GRSF1: variants seen among roughly 807,000 people sequenced by gnomAD.
GRSF1 encodes the protein G-rich sequence factor 1.
A neutral mutation model predicts 51.1 loss-of-function variants in GRSF1; 50 were observed. That is an observed-to-expected ratio of 0.98 (90% CI 0.78 to 1.24). GRSF1 has a LOEUF of 1.24. GRSF1 is among the 50% of genes most tolerant of loss of function. The pLI, the probability that GRSF1 is intolerant of heterozygous loss-of-function variation, is 0.00. For missense variants in GRSF1, 700 were observed against 639.7 expected, an observed-to-expected ratio of 1.09 and a Z score of -1.02; for synonymous variants, 293 against 253.3, an observed-to-expected ratio of 1.16 and a Z score of -1.49.
rs1202952273 is a variant in GRSF1 at position 70,816,528 on chromosome 4, A to C, written c.*4359T>G. The C allele has an allele frequency of 6.6e-6, 1 of 151,860 alleles. No individual in the cohort carries two copies. Among genetic ancestry groups the C allele is most frequent in the Non-Finnish European group, 1.5e-5 (1 of 68,006 alleles). The allele number at this position is 151,860 out of a possible 1,614,324, so 9.4% of individuals were successfully genotyped here. On this transcript the variant is annotated 3_prime_UTR_variant, in exon 10 of 10. Coordinates refer to ENST00000254799, the MANE Select transcript of GRSF1 (RefSeq NM_002092.4). ...GACTGGAGGCCAGGAGTTCCAGACC[A>C]GCCTGGCCAACATGATGAAACCCCA...
intron 1 of GRSF1, among the ~76,000 whole-genome samples, chr4:70,838,013 C>T (rs975766694): frequency 7.3e-5 from 11 of 151,364 alleles, no homozygotes; most frequent in Non-Finnish European, 1.6e-4. Flanking sequence ...GGGCGGATCA[C>T]GAGGTCAGGA....
At chr4:70,824,989 C>G (rs1281787092) in intron 8 of GRSF1, among the ~76,000 whole-genome samples, 1 of 152,076 alleles carries the variant, frequency 6.6e-6, no homozygotes, top group Non-Finnish European at 1.5e-5. Flanking sequence ...GTAATCCCAG[C>G]TACTCAGGTG....
upstream of GRSF1, chr4:70,839,996 C>T (rs1734406281): frequency 1.8e-6 from 1 of 569,524 alleles, no homozygotes; most frequent in Non-Finnish European, 2.9e-6. Context: ...GCGCGACGCT[C>T]CGCCCAGTCT....
At chr4:70,821,430 T>TAAAC (rs1452873863) in intron 9 of GRSF1, among the ~76,000 whole-genome samples, 1 of 149,582 alleles carries the variant, frequency 6.7e-6, no homozygotes, top group African/African-American at 2.5e-5. Flanking sequence ...TCTCAAAAAA[T>TAAAC]AAATAAATAA....
In GRSF1 at chr4:70,839,648, G is replaced by A. The variant is rs1437762172; in HGVS notation, c.180C>T (p.Ala60=). ...LLLLGAAAAA[A]SQTRGLQTGP... is the part of the protein sequence containing the mutation. ...CGGTCTGGAGGCCACGCGTCTGGGA[G>A]GCAGCGGCCGCGGCGGCCCCGAGCA... Residue 60 remains alanine (A), a synonymous_variant, in exon 1 of 10, where the codon GCC becomes GCT. Coordinates refer to ENST00000254799, the MANE Select transcript of GRSF1 (RefSeq NM_002092.4). 3.6e-6 allele frequency: 5 copies of A among 1,396,782 alleles called. No individual in the cohort carries two copies. Among genetic ancestry groups the A allele is most frequent in the African/African-American group, 3.0e-5 (2 of 65,594 alleles). The allele number at this position is 1,396,782 out of a possible 1,614,324, so 86.5% of individuals were successfully genotyped here.
chr4:70,837,109 CCAGA>C (rs1354445819), intron 1 of GRSF1, among the ~76,000 whole-genome samples: 4 of 152,284 alleles, frequency 2.6e-5, no homozygotes, highest in Non-Finnish European at 5.9e-5. Flanking sequence ...AGCTGGTATG[CCAGA>C]CCAAGTGATT....
At position 70,827,941 on chromosome 4, in the gene GRSF1, T is replaced by C; in HGVS notation, c.1046A>G (p.Tyr349Cys). The change falls in exon 6 of 10, where the codon TAT becomes TGT. Residue 349 changes from tyrosine to cysteine, a missense_variant. Tyr to Cys is a radical substitution (Grantham distance 194, BLOSUM62 -2). Transcript: ENST00000254799. The stretch of plus-strand genomic sequence containing the variant: ...AAAGACCATTTCTGGCTCAGTTATA[T>C]ACTTAGCAGTAGGAAAAGATGCGAT... ...KKIASFPTAK[Y>C]ITEPEMVFEE... 8 of 1,609,622 alleles carry C rather than the reference T, an allele frequency of 5.0e-6. No homozygotes were observed. The highest frequency in any genetic ancestry group is 6.8e-6 in the Non-Finnish European group (8 of 1,175,908).
upstream of GRSF1, among the ~76,000 whole-genome samples, chr4:70,842,281 G>C (rs1046279390): frequency 2.0e-5 from 3 of 152,174 alleles, no homozygotes; most frequent in African/African-American, 7.2e-5. Flanking sequence ...AATGGGCCTG[G>C]ACATAGAAGC....
Position 70,831,148 on chromosome 4 carries a change from G to C in GRSF1, c.950+391C>G, listed in dbSNP as rs7698619. ...CGAGGCGGGCGGATCACAAGGTCGA[G>C]AGATCGAGACCACCCTGGCCAACAT... On this transcript the variant is annotated intron_variant, in intron 5 of 9. Transcript: ENST00000254799. Among the ~76,000 whole-genome samples the C allele has an allele frequency of 6.7e-3, 1,017 of 152,142 alleles. 11 individuals carry two copies. Among genetic ancestry groups the C allele is most frequent in the African/African-American group, 0.024 (983 of 41,530 alleles).
chr4:70,838,308 C>T (rs531843424), intron 1 of GRSF1, among the ~76,000 whole-genome samples: 1 of 150,348 alleles, frequency 6.7e-6, no homozygotes, highest in Non-Finnish European at 1.5e-5. Context: ...CTACAGATAT[C>T]ACCGCAGTCA....
rs577613986 is a variant in GRSF1 at position 70,834,999 on chromosome 4, T to C, written c.514+1159A>G. Among the ~76,000 whole-genome samples, 5 of 152,258 alleles carry C rather than the reference T, an allele frequency of 3.3e-5. No individual in the cohort carries two copies. In the South Asian group the frequency reaches 6.2e-4, roughly 19 times the overall value. On this transcript the variant is annotated intron_variant, in intron 2 of 9. Coordinates refer to ENST00000254799, the MANE Select transcript of GRSF1 (RefSeq NM_002092.4). ...CTTCTTGTTCCCCTCTTTGTGTCCA[T>C]GTGTTCTCATTGTTTAGCTCCCACT...
rs1169531871 is a variant in GRSF1 at position 70,839,880 on chromosome 4, G to A, written c.-53C>T. ...AGGCAGCTGCTCCAGCAGCGATGGT[G>A]GAACGGAAGTGGAATCCAGGGCCGG... On this transcript the variant is annotated 5_prime_UTR_variant, in exon 1 of 10. Coordinates refer to ENST00000254799, the MANE Select transcript of GRSF1 (RefSeq NM_002092.4). 1 of 1,420,968 alleles carries A rather than the reference G, an allele frequency of 7.0e-7. No individual in the cohort carries two copies. Among genetic ancestry groups the A allele is most frequent in the Non-Finnish European group, 9.1e-7 (1 of 1,094,652 alleles). 88.0% of individuals were successfully genotyped at this position (1,420,968 alleles called of 1,614,324 possible). A position where few individuals can be genotyped will look rare whatever the true frequency, so the allele number is the denominator to read the frequency against.
At chr4:70,836,550 T>A (rs1734217962) in intron 1 of GRSF1, among the ~76,000 whole-genome samples, 1 of 152,036 alleles carries the variant, frequency 6.6e-6, no homozygotes. Flanking sequence ...GGGTTTGTTT[T>A]AAAATTCATC....
At chr4:70,832,521 T>C (rs1420688572) in intron 3 of GRSF1, 71 bp from the exon 4 acceptor site, 5 of 856,532 alleles carry the variant, frequency 5.8e-6, no homozygotes, top group Non-Finnish European at 9.2e-6. Context: ...AAAAAAATCA[T>C]TACAACTTGC....
At chr4:70,821,093 A>T (rs1733477264) in intron 9 of GRSF1, among the ~76,000 whole-genome samples, 1 of 152,200 alleles carries the variant, frequency 6.6e-6, no homozygotes, top group Non-Finnish European at 1.5e-5. Context: ...TATTATAAAT[A>T]TTTAACACCA....
In GRSF1 at chr4:70,839,650, C is replaced by T. The variant is rs996366979; in HGVS notation, c.178G>A (p.Ala60Thr). ...GTCTGGAGGCCACGCGTCTGGGAGG[C>T]AGCGGCCGCGGCGGCCCCGAGCAGC... is the stretch of plus-strand genomic sequence containing the variant. ...LLLLGAAAAA[A>T]SQTRGLQTGP... Residue 60 changes from alanine to threonine, a missense_variant, in exon 1 of 10, where the codon GCC (alanine) becomes ACC (threonine). Physicochemically the swap from Ala to Thr is moderately conservative, Grantham distance 58. Transcript: ENST00000254799. The T allele has an allele frequency of 3.6e-6, 5 of 1,396,364 alleles. No individual in the cohort carries two copies. Among genetic ancestry groups the T allele is most frequent in the Non-Finnish European group, 4.6e-6 (5 of 1,088,366 alleles). 86.5% of individuals were successfully genotyped at this position (1,396,364 alleles called of 1,614,324 possible). A position where few individuals can be genotyped will look rare whatever the true frequency, so the allele number is the denominator to read the frequency against.
Position 70,835,011 on chromosome 4 carries a change from G to A in GRSF1, c.514+1147C>T, listed in dbSNP as rs563352552. ...CTCTTTGTGTCCATGTGTTCTCATTGTTTAGCTCCCACTTGTAAGTGAAAA... is the reference window on the plus strand; with the variant it reads ...CTCTTTGTGTCCATGTGTTCTCATTATTTAGCTCCCACTTGTAAGTGAAAA... On this transcript the variant is annotated intron_variant, in intron 2 of 9. Transcript: ENST00000254799. 2.6e-5 allele frequency among the ~76,000 whole-genome samples: 4 copies of A among 152,204 alleles called. No homozygotes were observed. The South Asian group carries it at 6.2e-4, about 24-fold the overall frequency.
rs369478334 is a variant in GRSF1, at chr4:70,820,720, A to C, written c.*167T>G. The stretch of plus-strand genomic sequence containing the variant: ...AACTGGATCTTTCATTTCTTCTTCT[A>C]AACAGTCCACTATGAAACTTTTCTT... On this transcript the variant is annotated 3_prime_UTR_variant, in exon 10 of 10. Coordinates refer to ENST00000254799, the MANE Select transcript of GRSF1 (RefSeq NM_002092.4). The C allele has an allele frequency of 6.6e-6, 1 of 152,660 alleles. No homozygotes were observed. Among genetic ancestry groups the C allele is most frequent in the Admixed American group, 6.5e-5 (1 of 15,286 alleles). The allele number at this position is 152,660 out of a possible 1,614,324, so 9.5% of individuals were successfully genotyped here.
At chr4:70,839,092 G>T in intron 1 of GRSF1, 1 of 1,270,586 alleles carries the variant, frequency 7.9e-7, no homozygotes, top group Non-Finnish European at 1.0e-6. Context: ...ACCCTCCGGC[G>T]GGCTCGGGCC....
Sources: gnomAD v4.1 joint callset for allele counts (sites outside exome capture counted in the v4.1 genomes callset) on GRCh38, gnomAD v4.1.1 for gene constraint, MANE v1.5 for transcripts, NCBI Gene and HGNC (gene_info 2026-07-23, HGNC 2026-07-21) for gene names.